Variants in BACE2 observed in about 807,000 individuals in gnomAD.
BACE2 encodes beta-secretase 2.
In BACE2, 17 loss-of-function variants were observed where a neutral mutation model predicts 46.2. That is an observed-to-expected ratio of 0.37 (90% CI 0.25 to 0.55). BACE2 has a LOEUF of 0.55. Ranked by LOEUF, BACE2 falls within the 20% of genes least tolerant of loss-of-function variation. BACE2 has a pLI of 0.82. For synonymous variants in BACE2, 277 were observed against 295.9 expected (o/e 0.94, Z 0.66); for missense variants, 595 against 698.1 (o/e 0.85, Z 1.66).
intron 5 of BACE2, 34 bp downstream of exon 5, chr21:41,243,544 G>A (rs1568883711): frequency 6.3e-7 from 1 of 1,575,934 alleles, no homozygotes. Flanking sequence ...GTGTCTTTCT[G>A]TGTATGTCTG....
intron 7 of BACE2, among the ~76,000 whole-genome samples, chr21:41,254,404 T>G (rs1259088371): frequency 1.3e-5 from 2 of 152,108 alleles, no homozygotes; most frequent in African/African-American, 4.8e-5. Flanking sequence ...TCAAACCCCC[T>G]ACAGCCAGAA....
intron 6 of BACE2, among the ~76,000 whole-genome samples, chr21:41,247,444 C>T (rs530465830): frequency 3.3e-4 from 51 of 152,342 alleles, no homozygotes; most frequent in African/African-American, 1.2e-3. Flanking sequence ...AAATTTAGAA[C>T]GCTTGCTCAA....
Position 41,257,321 on chromosome 21 carries a change from G to T in BACE2, c.1298G>T (p.Cys433Phe), listed in dbSNP as rs1206170769. 6.2e-7 allele frequency: 1 copy of T among 1,613,422 alleles called. No homozygotes were observed. Among genetic ancestry groups the T allele is most frequent in the East Asian group, 2.2e-5 (1 of 44,876 alleles). The change falls in exon 8 of 9, where the codon TGT becomes TTT. Residue 433 changes from cysteine to phenylalanine, a missense_variant. This residue lies in a region of BACE2 where 343 missense variants were observed against 419.4 expected (regional missense o/e 0.82). Coordinates refer to ENST00000330333, the MANE Select transcript of BACE2 (RefSeq NM_012105.5). ...QKRVGFAASPCAEIAGAAVSE... is the reference protein window; with the variant it reads ...QKRVGFAASPFAEIAGAAVSE... ...AGGGTGGGCTTCGCAGCGAGCCCCT[G>T]TGCAGGTGAGCGATTCTGGCATCGA...
At chr21:41,197,159 C>G (rs1415206535) in intron 1 of BACE2, among the ~76,000 whole-genome samples, 2 of 151,800 alleles carry the variant, frequency 1.3e-5, no homozygotes, top group Non-Finnish European at 2.9e-5. Context: ...TGGGGTCTCA[C>G]TATGTTGCCC....
chr21:41,213,524 C>A (rs1986361750), intron 1 of BACE2, among the ~76,000 whole-genome samples: 1 of 152,162 alleles, frequency 6.6e-6, no homozygotes, highest in Non-Finnish European at 1.5e-5. Flanking sequence ...CCTGTAATCG[C>A]AGCACTTTGG....
At chr21:41,200,567 T>C (rs1985931972) in intron 1 of BACE2, among the ~76,000 whole-genome samples, 1 of 152,164 alleles carries the variant, frequency 6.6e-6, no homozygotes, top group African/African-American at 2.4e-5. Context: ...ATGGACTGAA[T>C]TGTGTCCCTC....
At chr21:41,271,090 CTATT>C (rs2088429870) in intron 8 of BACE2, among the ~76,000 whole-genome samples, 2 of 152,116 alleles carry the variant, frequency 1.3e-5, no homozygotes, top group African/African-American at 4.8e-5. Flanking sequence ...TGATCTGTAT[CTATT>C]CTGTCTAATA....
At chr21:41,244,694 A>G (rs1601302387) in intron 5 of BACE2, among the ~76,000 whole-genome samples, 1 of 152,326 alleles carries the variant, frequency 6.6e-6, no homozygotes, top group East Asian at 1.9e-4. Flanking sequence ...TAAGATGGCA[A>G]TGGCATAGCT....
Position 41,277,273 on chromosome 21 carries a change from G to T in BACE2, c.*1649G>T, listed in dbSNP as rs925897521. ...TCTGCCAAAGAGACGTGGAGGCCACGTCGGCTTGTCATGGTGTCCTGGAAG... is the reference window on the plus strand; with the variant it reads ...TCTGCCAAAGAGACGTGGAGGCCACTTCGGCTTGTCATGGTGTCCTGGAAG... On this transcript the variant is annotated 3_prime_UTR_variant, in exon 9 of 9. Coordinates refer to ENST00000330333, the MANE Select transcript of BACE2 (RefSeq NM_012105.5). 1 of 152,114 alleles carries T rather than the reference G, an allele frequency of 6.6e-6. No homozygotes were observed. The highest frequency in any genetic ancestry group is 1.5e-5 in the Non-Finnish European group (1 of 68,060). 9.4% of individuals were successfully genotyped at this position (152,114 alleles called of 1,614,324 possible). A position where few individuals can be genotyped will look rare whatever the true frequency, so the allele number is the denominator to read the frequency against.
intron 1 of BACE2, among the ~76,000 whole-genome samples, chr21:41,201,345 A>G (rs1159238267): frequency 6.6e-6 from 1 of 152,266 alleles, no homozygotes; most frequent in African/African-American, 2.4e-5. Context: ...AAATCAAGAC[A>G]CATCCCACTT....
At chr21:41,238,865 A>G (rs1213969860) in intron 3 of BACE2, among the ~76,000 whole-genome samples, 2 of 142,932 alleles carry the variant, frequency 1.4e-5, no homozygotes, top group Admixed American at 1.4e-4. Context: ...ATGACGAGTT[A>G]GTGGGCGCAG....
chr21:41,168,584 C>G lies in BACE2; in HGVS notation c.312+9C>G. On this transcript the variant is annotated intron_variant, in intron 1 of 8. Coordinates refer to ENST00000330333, the MANE Select transcript of BACE2 (RefSeq NM_012105.5). ...GGACCCCCCCGCAGAAGGTAGGGAC[C>G]CCCGGCTGCTGCCGCGGGCTTTTCG... 7.6e-7 allele frequency: 1 copy of G among 1,316,160 alleles called. No homozygotes were observed. 81.5% of individuals were successfully genotyped at this position (1,316,160 alleles called of 1,614,324 possible).
At chr21:41,194,407 C>A (rs923128052) in intron 1 of BACE2, among the ~76,000 whole-genome samples, 8 of 152,124 alleles carry the variant, frequency 5.3e-5, no homozygotes, top group African/African-American at 1.7e-4. Context: ...CTTCTCAGCT[C>A]GCTTTCCTCT....
At chr21:41,235,984 C>T (rs1465556175) in intron 2 of BACE2, among the ~76,000 whole-genome samples, 1 of 152,196 alleles carries the variant, frequency 6.6e-6, no homozygotes, top group African/African-American at 2.4e-5. Context: ...TTAATGTTCA[C>T]AGACTGATTA....
At chr21:41,210,593 A>G (rs2410407) in intron 1 of BACE2, among the ~76,000 whole-genome samples, 53,896 of 152,020 alleles carry the variant, frequency 0.35, 10,783 homozygotes, top group African/African-American at 0.54. Flanking sequence ...CCACAGACGC[A>G]GACTGACCCC....
chr21:41,179,746 T>A, intron 1 of BACE2: 1 of 1,003,922 alleles, frequency 1.0e-6, no homozygotes, highest in South Asian at 1.5e-5. Flanking sequence ...AAGCTGAGGG[T>A]GCCTGGTGTG....
intron 7 of BACE2, among the ~76,000 whole-genome samples, chr21:41,253,608 G>A (rs1290191663): frequency 6.6e-6 from 1 of 152,128 alleles, no homozygotes; most frequent in Non-Finnish European, 1.5e-5. Context: ...GGACTCGTAA[G>A]AAGCAGGAGG....
At chr21:41,257,069 C>T in intron 7 of BACE2, 89 bp from the exon 8 acceptor site, 1 of 1,499,968 alleles carries the variant, frequency 6.7e-7, no homozygotes. Context: ...TGGGAGGGTC[C>T]TGAGCATGCG....
At chr21:41,274,335 G>A (rs76834769) in intron 8 of BACE2, among the ~76,000 whole-genome samples, 2,524 of 152,068 alleles carry the variant, frequency 0.017, 78 homozygotes, top group African/African-American at 0.058. Flanking sequence ...GGTCATTATC[G>A]CATTGTTATT....
Sources: allele counts gnomAD v4.1 joint callset (sites outside exome capture counted in the v4.1 genomes callset), GRCh38; gene constraint gnomAD v4.1.1; regional missense constraint gnomAD v4.1.1; transcripts MANE v1.5; gene names NCBI Gene and HGNC (gene_info 2026-07-23, HGNC 2026-07-21).